Variants in MTOR observed in about 807,000 individuals in gnomAD.
MTOR encodes serine/threonine-protein kinase mTOR.
MTOR carries 70 observed loss-of-function variants against 319.8 expected under a neutral mutation model. The ratio of observed to expected loss-of-function variants is 0.22; its 90% confidence interval spans 0.18 to 0.27. The LOEUF is 0.27. Ranked by LOEUF, MTOR falls within the 10% of genes least tolerant of loss-of-function variation. The pLI, the probability that MTOR is intolerant of heterozygous loss-of-function variation, is 1.00. For missense variants in MTOR, 1,890 were observed against 3,274.4 expected (o/e 0.58, Z 10.32); for synonymous variants, 1,183 against 1,211.4 (o/e 0.98, Z 0.49).
At chr1:11,150,260 C>T (rs926451366) in intron 30 of MTOR, 34 bp from the exon 31 acceptor site, 21 of 1,572,708 alleles carry the variant, frequency 1.3e-5, no homozygotes, top group Non-Finnish European at 1.7e-5. Flanking sequence ...CAGATTAATC[C>T]AAATCTCCTT....
In MTOR at chr1:11,144,669, C is replaced by G. The variant is rs2100505839; in HGVS notation, c.4851G>C (p.Gln1617His). The G allele has an allele frequency of 6.2e-7, 1 of 1,614,146 alleles. No individual in the cohort carries two copies. The highest frequency in any genetic ancestry group is 8.5e-7 in the Non-Finnish European group (1 of 1,180,012). The change falls in exon 34 of 58, where the codon CAG becomes CAC. Residue 1617 changes from glutamine (Q) to histidine (H), a missense_variant. Physicochemically the swap from Gln to His is conservative, Grantham distance 24. Coordinates refer to ENST00000361445, the MANE Select transcript of MTOR (RefSeq NM_004958.4). ...TCACCTGCAGTCTCTCCCACCAGAT[C>G]TGGCGGATGATCTCTCGTCGCTCGG... ...LVPERREIIR[Q>H]IWWERLQGCQ... is the part of the protein sequence containing the mutation.
chr1:11,144,695 G>C lies in MTOR; in HGVS notation c.4825C>G (p.Pro1609Ala), dbSNP rs765366917. ...TGGCGGATGATCTCTCGTCGCTCGG[G>C]GACAAGTTTGTACTGGATAACCTCC... Reference protein sequence around the residue: ...LEEVIQYKLVPERREIIRQIW... With the variant: ...LEEVIQYKLVAERREIIRQIW... Residue 1609 changes from proline (P) to alanine (A), a missense_variant, in exon 34 of 58, where the codon CCC (proline) becomes GCC (alanine). Coordinates refer to ENST00000361445, the MANE Select transcript of MTOR (RefSeq NM_004958.4). 1.2e-6 allele frequency: 2 copies of C among 1,614,028 alleles called. No individual in the cohort carries two copies. Among genetic ancestry groups the C allele is most frequent in the Admixed American group, 3.3e-5 (2 of 60,010 alleles).
Position 11,121,487 on chromosome 1 carries a change from A to G in MTOR, c.6811-119T>C. 3 of 1,347,750 alleles carry G rather than the reference A, an allele frequency of 2.2e-6. No homozygotes were observed. The highest frequency in any genetic ancestry group is 3.1e-6 in the Non-Finnish European group (3 of 980,632). 83.5% of individuals were successfully genotyped at this position (1,347,750 alleles called of 1,614,324 possible). ...AGTTCTAATTTCCCCATCATAGCCA[A>G]AGGAGAAGGGAAATAAGAACATGGC... On this transcript the variant is annotated intron_variant, in intron 48 of 57. Transcript: ENST00000361445. This position sits in a 1 kb window ranked among gnomAD's most constrained non-coding sequence, Gnocchi z 4.9.
intron 34 of MTOR, 146 bp from the exon 35 acceptor site, chr1:11,139,804 G>A: frequency 1.0e-6 from 1 of 984,488 alleles, no homozygotes; most frequent in Non-Finnish European, 1.5e-6. Context: ...CAATTCTCCT[G>A]CCTCAGCCTC....
rs1467019710 is a variant in MTOR, at chr1:11,212,733, A to G, written c.3398+63T>C. 1 of 1,409,026 alleles carries G rather than the reference A, an allele frequency of 7.1e-7. No homozygotes were observed. The highest frequency in any genetic ancestry group is 1.4e-5 in the African/African-American group (1 of 70,170). The allele number at this position is 1,409,026 out of a possible 1,614,324, so 87.3% of individuals were successfully genotyped here. ...GAAAGATGGCCTGGGAACTTAAGAA[A>G]TGAACATTTTCAACAAAACATTAAA... On this transcript the variant is annotated intron_variant, in intron 22 of 57. Coordinates refer to ENST00000361445, the MANE Select transcript of MTOR (RefSeq NM_004958.4). This position sits in a 1 kb window ranked among gnomAD's most constrained non-coding sequence, Gnocchi z 4.1.
At chr1:11,149,096 A>G (rs1285205454) in intron 31 of MTOR, among the ~76,000 whole-genome samples, 1 of 152,078 alleles carries the variant, frequency 6.6e-6, no homozygotes, top group East Asian at 1.9e-4. Flanking sequence ...TTTCAACTGA[A>G]GAGGTAAATG....
In MTOR at chr1:11,122,972, G is replaced by A. The variant is rs552690266; in HGVS notation, c.6663-846C>T. The stretch of plus-strand genomic sequence containing the variant: ...GCCCAAGAAACTCATGGCTTTGGGG[G>A]AACAATCAAGTGACTAAAATACCTC... On this transcript the variant is annotated intron_variant, in intron 47 of 57. Transcript: ENST00000361445. Among the ~76,000 whole-genome samples the A allele has an allele frequency of 8.5e-5, 13 of 152,274 alleles. No individual in the cohort carries two copies. The South Asian group carries it at 2.7e-3, about 32-fold the overall frequency.
rs1315052074 is a variant in MTOR, at chr1:11,229,721, C to A, written c.2780-803G>T. Among the ~76,000 whole-genome samples the A allele has an allele frequency of 3.3e-5, 5 of 152,122 alleles. No homozygotes were observed. The East Asian group carries it at 7.7e-4, about 23-fold the overall frequency. ...GTTAACTTTCAATGTCAGAAATAGG[C>A]CTGCCCTGAGGGAATATGGGTTAAG... is the stretch of plus-strand genomic sequence containing the variant. On this transcript the variant is annotated intron_variant, in intron 18 of 57. Coordinates refer to ENST00000361445, the MANE Select transcript of MTOR (RefSeq NM_004958.4).
At chr1:11,210,660 C>T (rs1373338557) in intron 24 of MTOR, among the ~76,000 whole-genome samples, 154 bp downstream of exon 24, 1 of 152,126 alleles carries the variant, frequency 6.6e-6, no homozygotes, top group Non-Finnish European at 1.5e-5. Flanking sequence ...TGAGGAGCTG[C>T]AAAAGAGACC....
intron 49 of MTOR, among the ~76,000 whole-genome samples, chr1:11,117,909 GTTTCTACTAAAAA>G (rs1211187909): frequency 2.0e-5 from 3 of 151,754 alleles, no homozygotes; most frequent in Non-Finnish European, 4.4e-5. Flanking sequence ...GTGAAATCCC[GTTTCTACTAAAAA>G]TGCAAAAATT....
At chr1:11,185,535 G>A (rs1438607522) in intron 28 of MTOR, among the ~76,000 whole-genome samples, 1 of 152,060 alleles carries the variant, frequency 6.6e-6, no homozygotes, top group East Asian at 1.9e-4. Flanking sequence ...GAGACTGGGA[G>A]GTTGAGGCTG....
Position 11,240,270 on chromosome 1 carries a change from A to G in MTOR, c.1786+33T>C, listed in dbSNP as rs372862594. The G allele has an allele frequency of 1.5e-5, 22 of 1,515,750 alleles. No homozygotes were observed. In the African/African-American group the frequency reaches 3.1e-4, roughly 21 times the overall value. The allele number at this position is 1,515,750 out of a possible 1,614,324, so 93.9% of individuals were successfully genotyped here. On this transcript the variant is annotated intron_variant, in intron 11 of 57. Coordinates refer to ENST00000361445, the MANE Select transcript of MTOR (RefSeq NM_004958.4). ...TTTCCCAAAGTTTCCAGCATCTCTCACTATCTTGGCAAGAGCCGTTGTAAT... is the reference window on the plus strand; with the variant it reads ...TTTCCCAAAGTTTCCAGCATCTCTCGCTATCTTGGCAAGAGCCGTTGTAAT...
Position 11,106,719 on chromosome 1 carries a change from C to T in MTOR, c.*766G>A. ...CATGACAGTATTTCTGTTTTCTGAG[C>T]CCTTGCTCTAAACAGAGTATTTTGA... On this transcript the variant is annotated 3_prime_UTR_variant, in exon 58 of 58. Transcript: ENST00000361445. 1 of 1,193,632 alleles carries T rather than the reference C, an allele frequency of 8.4e-7. No homozygotes were observed. Among genetic ancestry groups the T allele is most frequent in the Non-Finnish European group, 1.1e-6 (1 of 950,068 alleles). The allele number at this position is 1,193,632 out of a possible 1,614,324, so 73.9% of individuals were successfully genotyped here.
chr1:11,154,372 G>A (rs1029742590), intron 30 of MTOR, among the ~76,000 whole-genome samples: 11 of 151,800 alleles, frequency 7.2e-5, no homozygotes, highest in Non-Finnish European at 1.6e-4. Flanking sequence ...GATTACAGGT[G>A]TGAGCCACCA....
chr1:11,189,288 G>A, intron 28 of MTOR: 1 of 297,078 alleles, frequency 3.4e-6, no homozygotes, highest in Non-Finnish European at 6.3e-6. Context: ...AAAGCCTGGT[G>A]CAGCCATGGT....
intron 3 of MTOR, among the ~76,000 whole-genome samples, chr1:11,257,569 A>G (rs1469252184): frequency 8.0e-5 from 2 of 25,090 alleles, no homozygotes; most frequent in East Asian, 0.01. Context: ...TCTCAGAGAA[A>G]AAAAAAAAAA....
chr1:11,186,683 C>T (rs1396698864), intron 28 of MTOR, among the ~76,000 whole-genome samples: 1 of 152,208 alleles, frequency 6.6e-6, no homozygotes, highest in African/African-American at 2.4e-5. Context: ...TAGTCCTCCA[C>T]ATCCTTCATG....
chr1:11,238,029 A>G lies in MTOR; in HGVS notation c.2022T>C (p.Cys674=), dbSNP rs202163945. Residue 674 remains cysteine, a synonymous_variant, in exon 13 of 58, where the codon TGT becomes TGC. Coordinates refer to ENST00000361445, the MANE Select transcript of MTOR (RefSeq NM_004958.4). Reference sequence around the variant, plus strand: ...AGCGCTCGTCCAGGGACGCCAAGACACAGTAGCGAATGTCAGGGTCTGCAA... The same window carrying G: ...AGCGCTCGTCCAGGGACGCCAAGACGCAGTAGCGAATGTCAGGGTCTGCAA... ...ITDPDPDIRY[C]VLASLDERFD... The G allele has an allele frequency of 1.9e-5, 31 of 1,614,200 alleles. No individual in the cohort carries two copies. In the Admixed American group the frequency reaches 2.8e-4, roughly 15 times the overall value.
Position 11,210,185 on chromosome 1 carries a change from T to C in MTOR, c.3654+629A>G, listed in dbSNP as rs183581532. 1.9e-3 allele frequency among the ~76,000 whole-genome samples: 280 copies of C among 151,254 alleles called. 3 individuals carry two copies. The highest frequency in any genetic ancestry group is 6.6e-3 in the African/African-American group (270 of 41,184). ...GCCTAGCCTTTAATCTACTTTGAGATAGGGTCTCACTCTGCCACCCAGGCT... is the reference window on the plus strand; with the variant it reads ...GCCTAGCCTTTAATCTACTTTGAGACAGGGTCTCACTCTGCCACCCAGGCT... On this transcript the variant is annotated intron_variant, in intron 24 of 57. Transcript: ENST00000361445.
Sources: allele counts gnomAD v4.1 joint callset (sites outside exome capture counted in the v4.1 genomes callset), GRCh38; gene constraint gnomAD v4.1.1; non-coding constraint Gnocchi (gnomAD v3.1); transcripts MANE v1.5; gene names NCBI Gene and HGNC (gene_info 2026-07-23, HGNC 2026-07-21).